Variants in TP53BP1 observed in about 807,000 individuals in gnomAD.
TP53BP1 encodes TP53-binding protein 1.
Under a neutral mutation model 200.8 loss-of-function variants are expected in TP53BP1, and 61 were observed. That is an observed-to-expected ratio of 0.30 (90% confidence interval 0.25 to 0.38). The LOEUF (loss-of-function observed/expected upper bound fraction) is 0.38. TP53BP1 is among the 10% of genes least tolerant of loss of function. TP53BP1 has a pLI of 1.00. For missense variants in TP53BP1, 2,144 were observed against 2,371.9 expected (o/e 0.90, Z 2.00); for synonymous variants, 822 against 844.3 (o/e 0.97, Z 0.46).
In TP53BP1 at chr15:43,421,162, C is replaced by A. The variant is rs1041167261; in HGVS notation, c.4113G>T (p.Gly1371=). ...GGPGKLSPRK[G]VSQTGTPVCE... ...ACACTGGCGTCCCTGTCTGACTGAC[C>A]CCTTTTCTAGGACTAGAGAATGAAG... is the stretch of plus-strand genomic sequence containing the variant. Residue 1371 remains glycine, a synonymous_variant, in exon 20 of 28, where the codon GGG becomes GGT. Transcript: ENST00000382044. The A allele has an allele frequency of 1.2e-6, 2 of 1,613,886 alleles. No homozygotes were observed. Among genetic ancestry groups the A allele is most frequent in the African/African-American group, 2.7e-5 (2 of 74,910 alleles).
At chr15:43,455,653 G>A (rs552026904) in intron 12 of TP53BP1, among the ~76,000 whole-genome samples, 1 of 152,140 alleles carries the variant, frequency 6.6e-6, no homozygotes, top group South Asian at 2.1e-4. Context: ...CCCGGGAGGT[G>A]GAGGTTGCAG....
At chr15:43,412,893 C>A (rs892704535) in intron 24 of TP53BP1, 28 of 598,122 alleles carry the variant, frequency 4.7e-5, no homozygotes, top group African/African-American at 4.2e-4. Context: ...TATCTCCCAT[C>A]TGCCTCACAG....
chr15:43,456,180 T>C lies in TP53BP1; in HGVS notation c.2428A>G (p.Lys810Glu), dbSNP rs2046291119. 3 of 1,614,106 alleles carry C rather than the reference T, an allele frequency of 1.9e-6. No homozygotes were observed. In the South Asian group the frequency reaches 3.3e-5, roughly 18 times the overall value. Reference sequence around the variant, plus strand: ...TCATATTCTACACTCTTTTCTTCCTTGGTGTCTAATCTATTCTCAGCACAT... The same window carrying C: ...TCATATTCTACACTCTTTTCTTCCTCGGTGTCTAATCTATTCTCAGCACAT... ...EPCAENRLDT[K>E]EEKSVEYEGD... Residue 810 changes from lysine to glutamate, a missense_variant, in exon 12 of 28, where the codon AAG becomes GAG. Lys to Glu is a moderately conservative substitution (Grantham distance 56, BLOSUM62 1). Around this residue, in one of 4 missense-constraint regions of TP53BP1, gnomAD observed 1,700 missense variants for 1,710.3 expected, o/e 0.99. Coordinates refer to ENST00000382044, the MANE Select transcript of TP53BP1 (RefSeq NM_001141980.3).
chr15:43,506,749 C>T (rs1028357147), intron 1 of TP53BP1, among the ~76,000 whole-genome samples: 2 of 152,218 alleles, frequency 1.3e-5, no homozygotes, highest in African/African-American at 4.8e-5. Context: ...AACACTACTA[C>T]CTGTGTCTGA....
chr15:43,403,977 G>A lies in TP53BP1; in HGVS notation c.*3406C>T. ...TTGATTTTGAAGCAGGTAATACTGT[G>A]CCACCTCACAGTGCTCAAAAATAGT... On this transcript the variant is annotated 3_prime_UTR_variant, in exon 28 of 28. Transcript: ENST00000382044. The A allele has an allele frequency of 1.7e-6, 1 of 599,646 alleles. No individual in the cohort carries two copies. 37.1% of individuals were successfully genotyped at this position (599,646 alleles called of 1,614,324 possible).
intron 12 of TP53BP1, among the ~76,000 whole-genome samples, chr15:43,453,117 C>G (rs1400854825): frequency 7.0e-6 from 1 of 142,796 alleles, no homozygotes; most frequent in Non-Finnish European, 1.5e-5. Flanking sequence ...TGGCATGAAC[C>G]CAAGAGGCGG....
chr15:43,465,955 T>C (rs1330353920), intron 11 of TP53BP1, among the ~76,000 whole-genome samples: 3 of 152,186 alleles, frequency 2.0e-5, no homozygotes, highest in African/African-American at 7.2e-5. Flanking sequence ...ATGGCTGACC[T>C]GACCCTCACA....
Position 43,421,041 on chromosome 15 carries a change from G to A in TP53BP1, c.4234C>T (p.Arg1412Trp), listed in dbSNP as rs771109427. ...CCCAGGTACCTGGTTCCAGTGGTCCGAGAAGGTGGGCGGCCCCTTCGCCCA... is the reference window on the plus strand; with the variant it reads ...CCCAGGTACCTGGTTCCAGTGGTCCAAGAAGGTGGGCGGCCCCTTCGCCCA... ...GRGRRGRPPS[R>W]TTGTRETAVP... Residue 1412 changes from arginine to tryptophan, a missense_variant, in exon 20 of 28, where the codon CGG becomes TGG. By Grantham distance (101) the Arg-to-Trp change is moderately radical (BLOSUM62 -3). Transcript: ENST00000382044. 4.3e-6 allele frequency: 7 copies of A among 1,613,406 alleles called. No individual in the cohort carries two copies. The highest frequency in any genetic ancestry group is 1.7e-4 in the Middle Eastern group (1 of 6,048).
At chr15:43,477,474 A>G (rs1332261191) in intron 8 of TP53BP1, 119 bp downstream of exon 8, 2 of 949,132 alleles carry the variant, frequency 2.1e-6, no homozygotes, top group East Asian at 5.3e-5. Flanking sequence ...TTTTCCTTCC[A>G]TATCACAAAC....
intron 19 of TP53BP1, among the ~76,000 whole-genome samples, chr15:43,421,426 C>T (rs1297075175): frequency 6.6e-6 from 1 of 152,204 alleles, no homozygotes; most frequent in African/African-American, 2.4e-5. Context: ...GCTGCAAAAA[C>T]AGCACACCCA....
At chr15:43,480,671 G>A (rs992403235) in intron 5 of TP53BP1, among the ~76,000 whole-genome samples, 1 of 152,088 alleles carries the variant, frequency 6.6e-6, no homozygotes, top group Non-Finnish European at 1.5e-5. Context: ...ATGAATACAA[G>A]AGGAAGAAAA....
intron 7 of TP53BP1, among the ~76,000 whole-genome samples, chr15:43,477,960 T>G (rs1363107952): frequency 6.6e-6 from 1 of 152,194 alleles, no homozygotes; most frequent in Non-Finnish European, 1.5e-5. Flanking sequence ...CCTGTCTCAC[T>G]CTCTCTCACA....
Position 43,456,898 on chromosome 15 carries a change from A to G in TP53BP1, c.1710T>C (p.Asp570=), listed in dbSNP as rs200618073. Residue 570 remains aspartate, a synonymous_variant, in exon 12 of 28, where the codon GAT becomes GAC. Transcript: ENST00000382044. ...CCTGTGCTGGATTCATCAGGATACT[A>G]TCATTTTCAGCAGGAACAAATTTAG... ...LNSKFVPAEN[D]SILMNPAQDG... is the part of the protein sequence containing the mutation. 4.8e-5 allele frequency: 77 copies of G among 1,613,964 alleles called. No homozygotes were observed. Among genetic ancestry groups the G allele is most frequent in the Non-Finnish European group, 6.4e-5 (75 of 1,180,046 alleles).
Position 43,455,956 on chromosome 15 carries a change from T to C in TP53BP1, c.2652A>G (p.Ala884=). 2 of 1,614,244 alleles carry C rather than the reference T, an allele frequency of 1.2e-6. No homozygotes were observed. Among genetic ancestry groups the C allele is most frequent in the Non-Finnish European group, 8.5e-7 (1 of 1,180,046 alleles). ...AGGGCTTCCCCAGCTTCTGGGCCTCTGCATCTGAGCTTAGCTGCTTTGCAT... is the reference window on the plus strand; with the variant it reads ...AGGGCTTCCCCAGCTTCTGGGCCTCCGCATCTGAGCTTAGCTGCTTTGCAT... ...MANAKQLSSD[A]EAQKLGKPSA... The change falls in exon 12 of 28, where the codon GCA becomes GCG. Residue 884 remains alanine (A), a synonymous_variant. Transcript: ENST00000382044.
chr15:43,439,543 C>T (rs551702355), intron 15 of TP53BP1, among the ~76,000 whole-genome samples: 52 of 152,226 alleles, frequency 3.4e-4, no homozygotes, highest in Admixed American at 1.8e-3. Flanking sequence ...CTCAAACAAA[C>T]AAACAAAAAA....
chr15:43,403,144 TAAG>T lies in TP53BP1; in HGVS notation c.*4236_*4238del, dbSNP rs2044725873. The T allele has an allele frequency of 6.6e-6, 1 of 152,154 alleles. No homozygotes were observed. Among genetic ancestry groups the T allele is most frequent in the African/African-American group, 2.4e-5 (1 of 41,404 alleles). 9.4% of individuals were successfully genotyped at this position (152,154 alleles called of 1,614,324 possible). A position where few individuals can be genotyped will look rare whatever the true frequency, so the allele number is the denominator to read the frequency against. ...GAGGTATAATTCATGGCTCTGCCCT[TAAG>T]GAGCTCACAATCTAGTTGGAAAAAC... is the stretch of plus-strand genomic sequence containing the variant. On this transcript the variant is annotated 3_prime_UTR_variant, in exon 28 of 28. Transcript: ENST00000382044.
In TP53BP1 at chr15:43,406,650, A is replaced by C. The variant is rs1358260740; in HGVS notation, c.*733T>G. On this transcript the variant is annotated 3_prime_UTR_variant, in exon 28 of 28. Coordinates refer to ENST00000382044, the MANE Select transcript of TP53BP1 (RefSeq NM_001141980.3). ...TTAGAGAATGAGAAGCCATGCAGGG[A>C]TCAGTGATGCCAGAGGAAGGGAAGG... 3 of 455,416 alleles carry C rather than the reference A, an allele frequency of 6.6e-6. No individual in the cohort carries two copies. Among genetic ancestry groups the C allele is most frequent in the Non-Finnish European group, 1.3e-5 (3 of 226,580 alleles). 28.2% of individuals were successfully genotyped at this position (455,416 alleles called of 1,614,324 possible). A position where few individuals can be genotyped will look rare whatever the true frequency, so the allele number is the denominator to read the frequency against.
At chr15:43,423,982 A>C (rs542313875) in intron 18 of TP53BP1, among the ~76,000 whole-genome samples, 2 of 152,286 alleles carry the variant, frequency 1.3e-5, no homozygotes, top group African/African-American at 4.8e-5. Context: ...CTCGCTACCA[A>C]GAATACAATG....
chr15:43,443,102 A>G (rs1321417158), intron 14 of TP53BP1, among the ~76,000 whole-genome samples: 1 of 152,012 alleles, frequency 6.6e-6, no homozygotes, highest in East Asian at 1.9e-4. Flanking sequence ...CTGGGATTAC[A>G]GGCATGAGCC....
Sources: allele counts gnomAD v4.1 joint callset (sites outside exome capture counted in the v4.1 genomes callset), GRCh38; gene constraint gnomAD v4.1.1; regional missense constraint gnomAD v4.1.1; transcripts MANE v1.5; gene names NCBI Gene and HGNC (gene_info 2026-07-23, HGNC 2026-07-21).